Variants in RXFP2 observed in about 807,000 individuals in gnomAD.
RXFP2 encodes the protein relaxin family peptide receptor 2, also known as relaxin receptor 2.
RXFP2 carries 68 observed loss-of-function variants against 88.6 expected under a neutral mutation model. The ratio of observed to expected loss-of-function variants is 0.77; its 90% CI spans 0.63 to 0.94. RXFP2 has a LOEUF of 0.94. Among genes scored for constraint, RXFP2 ranks in the 40% least tolerant of loss-of-function variants. The pLI is 0.00. For missense variants in RXFP2, 791 were observed against 893.9 expected (o/e 0.88, Z 1.47); for synonymous variants, 329 against 306.8 (o/e 1.07, Z -0.76).
rs535642913 is a variant in RXFP2, at chr13:31,800,429, G to A, written c.2006-1717G>A. On this transcript the variant is annotated intron_variant, in intron 17 of 17. Coordinates refer to ENST00000298386, the MANE Select transcript of RXFP2 (RefSeq NM_130806.5). ...ACTGAAAATATATAAAAAATTAGCC[G>A]GGCATGGTGGCAGGTGCCTGTAGTC... Among the ~76,000 whole-genome samples, 10 of 152,218 alleles carry A rather than the reference G, an allele frequency of 6.6e-5. No individual in the cohort carries two copies. The East Asian group carries it at 1.2e-3, about 18-fold the overall frequency.
At chr13:31,767,648 C>T (rs1872597676) in intron 5 of RXFP2, among the ~76,000 whole-genome samples, 2 of 152,284 alleles carry the variant, frequency 1.3e-5, no homozygotes, top group East Asian at 1.9e-4. Flanking sequence ...TCTCATTACA[C>T]ACGAAGTGAC....
At position 31,777,424 on chromosome 13, in the gene RXFP2, G is replaced by T. The variant is rs776456901; in HGVS notation, c.690G>T (p.Thr230=). ...PITRISQRLF[T]GLNSLFFLSM... ...CCAGAATTTCACAGCGCTTGTTTACGGGATTAAATTCCTTGTTTTTCCTGT... is the reference window on the plus strand; with the variant it reads ...CCAGAATTTCACAGCGCTTGTTTACTGGATTAAATTCCTTGTTTTTCCTGT... The change falls in exon 8 of 18, where the codon ACG becomes ACT. Residue 230 remains threonine (T), a synonymous_variant. Coordinates refer to ENST00000298386, the MANE Select transcript of RXFP2 (RefSeq NM_130806.5). The T allele has an allele frequency of 6.2e-7, 1 of 1,611,142 alleles. No individual in the cohort carries two copies. The highest frequency in any genetic ancestry group is 2.2e-5 in the East Asian group (1 of 44,848).
Position 31,802,155 on chromosome 13 carries a change from CT to C in RXFP2, c.2017del (p.Ser673ProfsTer3). 5.0e-6 allele frequency: 8 copies of C among 1,614,010 alleles called. No homozygotes were observed. Among genetic ancestry groups the C allele is most frequent in the Non-Finnish European group, 6.8e-6 (8 of 1,179,942 alleles). ...TTGCTTCCTTTTCCAGACACAATGA[CT>C]TCCTGGATAGTGATTTTTTTCCTTC... ...LFRVEIPDTM[T>X]SWIVIFFLPV... is the part of the protein sequence containing the mutation. On this transcript the variant is annotated frameshift_variant, in exon 18 of 18. Transcript: ENST00000298386. LOFTEE classifies it high-confidence loss of function.
rs754452233 is a variant in RXFP2, at chr13:31,765,149, A to G, written c.425+7A>G. On this transcript the variant is annotated splice_region_variant and intron_variant, in intron 4 of 17. Transcript: ENST00000298386. ...CTAACAATGTGACATTACTGTGAGT[A>G]AAACTTAATTATTGGTGATATCTGT... 1 of 1,511,922 alleles carries G rather than the reference A, an allele frequency of 6.6e-7. No homozygotes were observed. The highest frequency in any genetic ancestry group is 1.1e-5 in the South Asian group (1 of 88,928). 93.7% of individuals were successfully genotyped at this position (1,511,922 alleles called of 1,614,324 possible). A position where few individuals can be genotyped will look rare whatever the true frequency, so the allele number is the denominator to read the frequency against.
intron 5 of RXFP2, among the ~76,000 whole-genome samples, chr13:31,766,370 A>G (rs544393888): frequency 3.9e-5 from 6 of 152,170 alleles, no homozygotes; most frequent in African/African-American, 1.4e-4. Flanking sequence ...AAAAAGAGTG[A>G]CAGCATAAAC....
chr13:31,762,340 T>G (rs905466880), intron 3 of RXFP2, among the ~76,000 whole-genome samples: 1 of 152,200 alleles, frequency 6.6e-6, no homozygotes, highest in African/African-American at 2.4e-5. Context: ...AGTCCATGGA[T>G]GAAGGAAAGG....
intron 1 of RXFP2, among the ~76,000 whole-genome samples, chr13:31,746,483 T>C (rs1426001514): frequency 1.3e-5 from 2 of 152,218 alleles, no homozygotes; most frequent in African/African-American, 4.8e-5. Context: ...GTTCAAAAAC[T>C]GTAATTAATA....
At chr13:31,791,671 T>C in intron 14 of RXFP2, 135 bp from the exon 15 acceptor site, 1 of 689,482 alleles carries the variant, frequency 1.5e-6, no homozygotes, top group Non-Finnish European at 2.6e-6. Context: ...TTTAATTATA[T>C]AAACACTACT....
chr13:31,800,046 A>G (rs1182356090), intron 17 of RXFP2, among the ~76,000 whole-genome samples: 7 of 152,242 alleles, frequency 4.6e-5, no homozygotes, highest in Admixed American at 3.9e-4. Context: ...GTATAGTTCA[A>G]TAGTCTGAGG....
At chr13:31,751,977 C>T (rs1444063749) in intron 1 of RXFP2, among the ~76,000 whole-genome samples, 1 of 152,144 alleles carries the variant, frequency 6.6e-6, no homozygotes, top group Middle Eastern at 3.2e-3. Context: ...GTTTACCAGT[C>T]AGCAGAAATA....
In RXFP2 at chr13:31,768,841, C is replaced by A. The variant is rs143029805; in HGVS notation, c.497+2814C>A. The stretch of plus-strand genomic sequence containing the variant: ...CCCCTGCACCAGTCCTACTTCTTGT[C>A]CCTCCTGTCCATCTACTCTTACCTT... On this transcript the variant is annotated intron_variant, in intron 5 of 17. Transcript: ENST00000298386. Among the ~76,000 whole-genome samples the A allele has an allele frequency of 7.0e-3, 1,070 of 152,238 alleles. 15 individuals are homozygous for A. Among genetic ancestry groups the A allele is most frequent in the African/African-American group, 0.025 (1,026 of 41,534 alleles).
chr13:31,801,398 G>A (rs929012402), intron 17 of RXFP2, among the ~76,000 whole-genome samples: 10 of 152,024 alleles, frequency 6.6e-5, no homozygotes, highest in Non-Finnish European at 1.2e-4. Context: ...GAGAGCAGAT[G>A]AAGTTGAGGA....
intron 9 of RXFP2, among the ~76,000 whole-genome samples, chr13:31,779,818 G>C (rs550580503): frequency 6.6e-6 from 1 of 152,222 alleles, no homozygotes; most frequent in South Asian, 2.1e-4. Flanking sequence ...ACACTATTAG[G>C]TGGTGTTGTG....
At chr13:31,798,389 G>A (rs1159123665) in intron 17 of RXFP2, among the ~76,000 whole-genome samples, 2 of 152,202 alleles carry the variant, frequency 1.3e-5, no homozygotes. Flanking sequence ...GTGAAAATTA[G>A]GAAGGAGATC....
intron 1 of RXFP2, among the ~76,000 whole-genome samples, chr13:31,742,094 A>G (rs1228879445): frequency 2.0e-5 from 3 of 152,206 alleles, no homozygotes; most frequent in Admixed American, 2.0e-4. Context: ...TAAACTTTTA[A>G]AAAACATTTC....
intron 16 of RXFP2, among the ~76,000 whole-genome samples, chr13:31,795,747 A>G (rs1874003244): frequency 6.6e-6 from 1 of 152,204 alleles, no homozygotes. Flanking sequence ...TTGAAAATAT[A>G]TGCAAGTCTT....
At chr13:31,743,732 T>C (rs904214864) in intron 1 of RXFP2, among the ~76,000 whole-genome samples, 1 of 151,974 alleles carries the variant, frequency 6.6e-6, no homozygotes, top group Non-Finnish European at 1.5e-5. Context: ...TTTCTCCATT[T>C]TCATGTCTCG....
intron 1 of RXFP2, among the ~76,000 whole-genome samples, chr13:31,752,381 G>T (rs1871710626): frequency 6.6e-6 from 1 of 152,148 alleles, no homozygotes; most frequent in Non-Finnish European, 1.5e-5. Flanking sequence ...TAGAGGTTGG[G>T]AGAAATTCCA....
chr13:31,774,656 GA>G lies in RXFP2; in HGVS notation c.537del (p.Ala180HisfsTer32), dbSNP rs1872864556. The stretch of plus-strand genomic sequence containing the variant: ...ATAATTGCATTAGACACATATCCAG[GA>G]AAGCATTTTTTGGATTATGTAATCT... ...QHNCIRHISR[K>X]AFFGLCNLQI... On this transcript the variant is annotated frameshift_variant, in exon 6 of 18. Transcript: ENST00000298386. LOFTEE classifies it high-confidence loss of function. 1 of 1,564,278 alleles carries G rather than the reference GA, an allele frequency of 6.4e-7. No homozygotes were observed. Among genetic ancestry groups the G allele is most frequent in the Non-Finnish European group, 8.8e-7 (1 of 1,134,974 alleles).
Sources: gnomAD v4.1 joint callset for allele counts (sites outside exome capture counted in the v4.1 genomes callset) on GRCh38, gnomAD v4.1.1 for gene constraint, MANE v1.5 for transcripts, NCBI Gene and HGNC (gene_info 2026-07-23, HGNC 2026-07-21) for gene names.